Variants in PLCE1 observed in about 807,000 individuals in gnomAD.
The protein encoded by PLCE1 is phospholipase C epsilon 1, also known as 1-phosphatidylinositol 4,5-bisphosphate phosphodiesterase epsilon-1.
A neutral mutation model predicts 242.8 loss-of-function variants in PLCE1; 119 were observed. That is an observed-to-expected ratio of 0.49 (90% CI 0.42 to 0.57). The LOEUF (loss-of-function observed/expected upper bound fraction) is 0.57, where lower values mean the gene tolerates loss of function less well. PLCE1 is among the 20% of genes least tolerant of loss of function. The pLI is 0.00. For synonymous variants in PLCE1, 945 were observed against 1,017.4 expected, an observed-to-expected ratio of 0.93 and a Z score of 1.35; for missense variants, 2,441 against 2,788.8, an observed-to-expected ratio of 0.88 and a Z score of 2.81.
At chr10:94,075,301 T>G (rs2044469667) in intron 2 of PLCE1, among the ~76,000 whole-genome samples, 1 of 152,232 alleles carries the variant, frequency 6.6e-6, no homozygotes, top group Admixed American at 6.5e-5. Flanking sequence ...CTCCATCTAA[T>G]ACGAAGTAGG....
chr10:94,211,786 C>G (rs1033953324), intron 4 of PLCE1, among the ~76,000 whole-genome samples: 2 of 152,132 alleles, frequency 1.3e-5, no homozygotes, highest in Non-Finnish European at 2.9e-5. Flanking sequence ...AACCCACCCA[C>G]CCCAAGCGGT....
intron 5 of PLCE1, among the ~76,000 whole-genome samples, chr10:94,232,475 G>C (rs1345344329): frequency 1.3e-5 from 2 of 152,156 alleles, no homozygotes; most frequent in Non-Finnish European, 2.9e-5. Context: ...AAAGGATGGG[G>C]ATAGAGGGAG....
chr10:94,167,197 C>T (rs938155777), intron 3 of PLCE1, among the ~76,000 whole-genome samples: 2 of 151,950 alleles, frequency 1.3e-5, no homozygotes, highest in African/African-American at 4.8e-5. Flanking sequence ...AGGCTGAGGC[C>T]GGAGAATCGC....
At chr10:94,009,758 G>T (rs947272542) in intron 1 of PLCE1, among the ~76,000 whole-genome samples, 2 of 152,222 alleles carry the variant, frequency 1.3e-5, no homozygotes, top group African/African-American at 4.8e-5. Context: ...AAACCTTAAA[G>T]CTCCAATATA....
At chr10:94,273,810 G>C (rs1262001322) in intron 19 of PLCE1, 90 bp downstream of exon 19, 2 of 1,213,692 alleles carry the variant, frequency 1.6e-6, no homozygotes, top group Admixed American at 1.7e-5. Flanking sequence ...ATGACCTGCT[G>C]GTTTACTAGT....
rs1367424901 is a variant in PLCE1, at chr10:94,254,912, C to G, written c.3417C>G (p.Asn1139Lys). The G allele has an allele frequency of 6.2e-6, 10 of 1,614,014 alleles. No homozygotes were observed. The highest frequency in any genetic ancestry group is 7.6e-6 in the Non-Finnish European group (9 of 1,179,986). ...TCACAGAGGTGAATGCCATCGCTAA[C>G]CCTCCAAACCCCCTCCCTTCCAGAA... The part of the protein sequence containing the change: ...QEESEVNAIA[N>K]PPNPLPSRRA... Residue 1139 changes from asparagine (N) to lysine (K), a missense_variant, in exon 11 of 33, where the codon AAC becomes AAG. Asn to Lys is a moderately conservative substitution (Grantham distance 94). Around this residue, in one of 5 missense-constraint regions of PLCE1, gnomAD observed 1,004 missense variants for 1,322.7 expected, o/e 0.76. Transcript: ENST00000371380.
chr10:94,205,107 A>C (rs575834243), intron 4 of PLCE1, among the ~76,000 whole-genome samples: 2 of 152,188 alleles, frequency 1.3e-5, no homozygotes, highest in African/African-American at 4.8e-5. Context: ...CAAGCTTTTG[A>C]CAAGTATGAC....
At chr10:94,063,315 A>C (rs2044112132) in intron 2 of PLCE1, among the ~76,000 whole-genome samples, 1 of 152,106 alleles carries the variant, frequency 6.6e-6, no homozygotes, top group South Asian at 2.1e-4. Flanking sequence ...CTCTGTTCTG[A>C]GAGTGGATGA....
intron 19 of PLCE1, among the ~76,000 whole-genome samples, chr10:94,276,899 CT>C (rs1488867398): frequency 6.6e-6 from 1 of 152,158 alleles, no homozygotes; most frequent in Non-Finnish European, 1.5e-5. Context: ...TTCATGATGA[CT>C]TCCCAAGGGG....
At chr10:94,022,094 A>G (rs993124571) in intron 1 of PLCE1, among the ~76,000 whole-genome samples, 1 of 152,026 alleles carries the variant, frequency 6.6e-6, no homozygotes, top group Non-Finnish European at 1.5e-5. Flanking sequence ...CTTTGGAAAG[A>G]AAGAAGTACA....
chr10:94,137,887 G>T, intron 3 of PLCE1: 1 of 316,340 alleles, frequency 3.2e-6, no homozygotes. Context: ...ACTGAAAAAT[G>T]AAAATCTATT....
intron 2 of PLCE1, among the ~76,000 whole-genome samples, chr10:94,067,950 G>T (rs77591203): frequency 0.015 from 2,247 of 152,224 alleles, 55 homozygotes; most frequent in African/African-American, 0.041. Context: ...TACATAGCAT[G>T]GTTTCTAACC....
chr10:94,237,434 G>A (rs886625557), intron 7 of PLCE1, among the ~76,000 whole-genome samples: 2 of 151,970 alleles, frequency 1.3e-5, no homozygotes, highest in Admixed American at 6.6e-5. Flanking sequence ...ATTTTCACCC[G>A]TTATGAAATT....
intron 4 of PLCE1, among the ~76,000 whole-genome samples, chr10:94,215,981 A>C (rs2049511964): frequency 6.6e-6 from 1 of 152,162 alleles, no homozygotes; most frequent in Non-Finnish European, 1.5e-5. Flanking sequence ...TTCAAAAACC[A>C]ATACATGCCA....
chr10:94,088,402 G>T (rs1327878916), intron 2 of PLCE1, among the ~76,000 whole-genome samples: 1 of 152,166 alleles, frequency 6.6e-6, no homozygotes, highest in Non-Finnish European at 1.5e-5. Context: ...CTTCCAAGCA[G>T]GTGCTGTTGA....
At chr10:94,325,212 C>A in intron 32 of PLCE1, 108 bp downstream of exon 32, 1 of 822,430 alleles carries the variant, frequency 1.2e-6, no homozygotes, top group Non-Finnish European at 2.1e-6. Context: ...GGAGGATGTC[C>A]CTTGAAGGCA....
At chr10:94,208,455 G>A (rs2049233712) in intron 4 of PLCE1, among the ~76,000 whole-genome samples, 1 of 152,232 alleles carries the variant, frequency 6.6e-6, no homozygotes, top group African/African-American at 2.4e-5. Flanking sequence ...AGAGACAGAA[G>A]AAAACAAAAT....
chr10:94,300,652 T>TACTCTGAGTTGA (rs909874736), intron 24 of PLCE1, among the ~76,000 whole-genome samples: 1 of 147,950 alleles, frequency 6.8e-6, no homozygotes, highest in African/African-American at 2.4e-5. Flanking sequence ...AAATGCTTGT[T>TACTCTGAGTTGA]ACTCTGAGTT....
At chr10:94,293,091 G>C (rs1357622192) in intron 22 of PLCE1, among the ~76,000 whole-genome samples, 1 of 152,174 alleles carries the variant, frequency 6.6e-6, no homozygotes, top group East Asian at 1.9e-4. Context: ...GTTATGTCAA[G>C]GCTAATATCA....
Sources: allele counts gnomAD v4.1 joint callset (sites outside exome capture counted in the v4.1 genomes callset), GRCh38; gene constraint gnomAD v4.1.1; regional missense constraint gnomAD v4.1.1; transcripts MANE v1.5; gene names NCBI Gene and HGNC (gene_info 2026-07-23, HGNC 2026-07-21).